Variants in ANKS1B observed in about 807,000 individuals in gnomAD.
ANKS1B encodes ankyrin repeat and sterile alpha motif domain containing 1B.
A neutral mutation model predicts 148.3 loss-of-function variants in ANKS1B; 36 were observed. The ratio of observed to expected loss-of-function variants is 0.24; its 90% CI spans 0.19 to 0.32. The LOEUF (loss-of-function observed/expected upper bound fraction) is 0.32. Among genes scored for constraint, ANKS1B ranks in the 10% least tolerant of loss-of-function variants. The pLI, the probability that ANKS1B is intolerant of heterozygous loss-of-function variation, is 1.00. For missense variants in ANKS1B, 1,157 were observed against 1,542.6 expected (o/e 0.75, Z 4.19); for synonymous variants, 542 against 560.8 (o/e 0.97, Z 0.47).
In ANKS1B at chr12:99,147,548, C is replaced by T. The variant is rs1221501245; in HGVS notation, c.2526+6741G>A. ...AGAGTAGTGCTAAAGCAAATGTGTG[C>T]TCTAGAAAGATCACTCTGGCTGTAG... On this transcript the variant is annotated intron_variant, in intron 15 of 26. Transcript: ENST00000683438. Among the ~76,000 whole-genome samples the T allele has an allele frequency of 3.3e-5, 5 of 152,112 alleles. No homozygotes were observed. The East Asian group carries it at 9.6e-4, about 29-fold the overall frequency.
chr12:99,091,557 T>G (rs994276014), intron 15 of ANKS1B, among the ~76,000 whole-genome samples: 2 of 152,202 alleles, frequency 1.3e-5, no homozygotes, highest in Non-Finnish European at 2.9e-5. Context: ...TTAAGGATGC[T>G]AACCCAGAGC....
At position 98,781,220 on chromosome 12, in the gene ANKS1B, A is replaced by G. The variant is rs1178736910; in HGVS notation, c.3355-17T>C. On this transcript the variant is annotated splice_polypyrimidine_tract_variant and intron_variant, in intron 23 of 26. Transcript: ENST00000683438. The stretch of plus-strand genomic sequence containing the variant: ...TGTAGACTTCTGAAATTAAAATTAG[A>G]AAGCTGTTAGAGCAGTTTGTGTTGC... 9.2e-6 allele frequency: 14 copies of G among 1,528,398 alleles called. No homozygotes were observed. The highest frequency in any genetic ancestry group is 1.2e-5 in the Non-Finnish European group (14 of 1,121,640). 94.7% of individuals were successfully genotyped at this position (1,528,398 alleles called of 1,614,324 possible). A position where few individuals can be genotyped will look rare whatever the true frequency, so the allele number is the denominator to read the frequency against.
intron 17 of ANKS1B, among the ~76,000 whole-genome samples, chr12:98,924,517 C>A (rs1038425292): frequency 3.3e-5 from 5 of 152,048 alleles, no homozygotes; most frequent in African/African-American, 7.3e-5. Flanking sequence ...TAGCTTCCCC[C>A]AAGCCACCCT....
chr12:99,776,799 C>G (rs760073285), intron 6 of ANKS1B, among the ~76,000 whole-genome samples: 1 of 152,020 alleles, frequency 6.6e-6, no homozygotes, highest in Non-Finnish European at 1.5e-5. Flanking sequence ...CCTGCCTCAG[C>G]CCCCCAAGCT....
intron 22 of ANKS1B, among the ~76,000 whole-genome samples, chr12:98,788,694 CTGA>C (rs1282307398): frequency 6.6e-6 from 1 of 152,196 alleles, no homozygotes; most frequent in Non-Finnish European, 1.5e-5. Context: ...CTATATGCTG[CTGA>C]TGCTGCACGT....
chr12:99,784,284 G>C (rs1242301721), intron 4 of ANKS1B, among the ~76,000 whole-genome samples: 1 of 148,672 alleles, frequency 6.7e-6, no homozygotes, highest in African/African-American at 2.5e-5. Context: ...CCATTCCCCT[G>C]TCTCAGCCTC....
intron 14 of ANKS1B, among the ~76,000 whole-genome samples, chr12:99,209,332 CAAT>C (rs971920869): frequency 5.9e-5 from 9 of 152,178 alleles, no homozygotes; most frequent in African/African-American, 1.9e-4. Flanking sequence ...TTTTTTGTAA[CAAT>C]GAGGGTGACT....
intron 8 of ANKS1B, among the ~76,000 whole-genome samples, chr12:99,763,561 A>G (rs2062362647): frequency 1.3e-5 from 2 of 152,112 alleles, no homozygotes; most frequent in Non-Finnish European, 2.9e-5. Flanking sequence ...TACTATGCTC[A>G]TTACCTGGGA....
intron 14 of ANKS1B, among the ~76,000 whole-genome samples, chr12:99,231,442 A>C (rs1391274291): frequency 6.6e-6 from 1 of 152,152 alleles, no homozygotes; most frequent in East Asian, 1.9e-4. Context: ...GGTTTGAAGC[A>C]GCTGAGAAGT....
chr12:99,920,751 A>C (rs1458838964), intron 1 of ANKS1B, among the ~76,000 whole-genome samples: 1 of 152,114 alleles, frequency 6.6e-6, no homozygotes, highest in Non-Finnish European at 1.5e-5. Flanking sequence ...TCCATGTCCA[A>C]AGGCAGGAGA....
intron 19 of ANKS1B, among the ~76,000 whole-genome samples, chr12:98,815,872 C>T (rs993081687): frequency 6.6e-6 from 1 of 152,130 alleles, no homozygotes; most frequent in Non-Finnish European, 1.5e-5. Flanking sequence ...TCCTTGCCTC[C>T]TTAGTATCTC....
chr12:99,282,773 G>A (rs994000306), intron 12 of ANKS1B, among the ~76,000 whole-genome samples: 1 of 152,150 alleles, frequency 6.6e-6, no homozygotes, highest in Non-Finnish European at 1.5e-5. Context: ...ACAAGGAAGA[G>A]GTTTTATGGC....
intron 17 of ANKS1B, among the ~76,000 whole-genome samples, chr12:98,936,783 T>C (rs1208368696): frequency 6.6e-6 from 1 of 152,198 alleles, no homozygotes; most frequent in Non-Finnish European, 1.5e-5. Flanking sequence ...ATAGTCATTT[T>C]CTCAGAATTT....
intron 9 of ANKS1B, among the ~76,000 whole-genome samples, chr12:99,529,066 A>T (rs2153084380): frequency 6.6e-6 from 1 of 152,324 alleles, no homozygotes; most frequent in South Asian, 2.1e-4. Context: ...AGAAATTTGC[A>T]TACCCCAGGT....
chr12:99,281,595 C>A (rs1036546401), intron 12 of ANKS1B, among the ~76,000 whole-genome samples: 2 of 152,104 alleles, frequency 1.3e-5, no homozygotes, highest in Non-Finnish European at 1.5e-5. Flanking sequence ...TTAGCAAGCA[C>A]CAGCATACTT....
At chr12:99,648,835 G>T in intron 9 of ANKS1B, 2 of 1,562,466 alleles carry the variant, frequency 1.3e-6, no homozygotes, top group South Asian at 2.4e-5. Flanking sequence ...CTTTGGGGGA[G>T]AGCAGGTACA....
At chr12:98,932,561 CT>C (rs2099814614) in intron 17 of ANKS1B, among the ~76,000 whole-genome samples, 1 of 152,134 alleles carries the variant, frequency 6.6e-6, no homozygotes, top group Non-Finnish European at 1.5e-5. Flanking sequence ...CCTACTAAAT[CT>C]TACAAAGGGT....
rs927715355 is a variant in ANKS1B, at chr12:99,246,814, C to T, written c.1807G>A (p.Gly603Arg). Reference protein sequence around the residue: ...DNDPPKEYDPGQFAGLLHGSS... With the variant: ...DNDPPKEYDPRQFAGLLHGSS... Reference sequence around the variant, plus strand: ...CCATGGAGCAGGCCTGCAAATTGCCCAGGATCATATTCTTTTGGGGGATCA... The same window carrying T: ...CCATGGAGCAGGCCTGCAAATTGCCTAGGATCATATTCTTTTGGGGGATCA... Residue 603 changes from glycine to arginine, a missense_variant, in exon 13 of 27, where the codon GGG becomes AGG. Gly to Arg is a moderately radical substitution (Grantham distance 125). Transcript: ENST00000683438. 2 of 1,609,736 alleles carry T rather than the reference C, an allele frequency of 1.2e-6. No individual in the cohort carries two copies. The highest frequency in any genetic ancestry group is 2.7e-5 in the African/African-American group (2 of 74,726).
chr12:98,970,395 C>T (rs2099882181), intron 17 of ANKS1B, among the ~76,000 whole-genome samples: 1 of 152,152 alleles, frequency 6.6e-6, no homozygotes, highest in Non-Finnish European at 1.5e-5. Flanking sequence ...TGCAGACTTG[C>T]CAATATTAGG....
Sources: gnomAD v4.1 joint callset for allele counts (sites outside exome capture counted in the v4.1 genomes callset) on GRCh38, gnomAD v4.1.1 for gene constraint, MANE v1.5 for transcripts, NCBI Gene and HGNC (gene_info 2026-07-23, HGNC 2026-07-21) for gene names.